BICRA: variants seen among roughly 807,000 people sequenced by gnomAD.
The protein encoded by BICRA is BRD4-interacting chromatin-remodeling complex-associated protein.
Under a neutral mutation model 96.9 loss-of-function variants are expected in BICRA, and 31 were observed. The observed-to-expected ratio is 0.32, with a 90% CI of 0.24 to 0.43. The LOEUF (loss-of-function observed/expected upper bound fraction) is 0.43. Ranked by LOEUF, BICRA falls within the 20% of genes least tolerant of loss-of-function variation. The probability of loss-of-function intolerance (pLI) is 1.00; values close to 1 mark genes in which losing one functional copy is unlikely to be tolerated. For missense variants in BICRA, 2,283 were observed against 2,190.3 expected (o/e 1.04, Z -0.84); for synonymous variants, 1,350 against 1,071.8 (o/e 1.26, Z -5.07).
chr19:47,682,742 G>T (rs954153855), intron 7 of BICRA, among the ~76,000 whole-genome samples: 1 of 151,482 alleles, frequency 6.6e-6, no homozygotes, highest in African/African-American at 2.4e-5. Flanking sequence ...CGCGATCTTG[G>T]CTCACTGCAA....
At chr19:47,672,959 C>T (rs1350393115) in intron 2 of BICRA, among the ~76,000 whole-genome samples, 2 of 152,138 alleles carry the variant, frequency 1.3e-5, no homozygotes, top group Non-Finnish European at 2.9e-5. Flanking sequence ...CACCACCCTC[C>T]CCTTCCTTGG....
intron 1 of BICRA, among the ~76,000 whole-genome samples, chr19:47,635,287 G>A (rs1199010571): frequency 4.2e-5 from 6 of 143,302 alleles, no homozygotes; most frequent in African/African-American, 7.8e-5. Flanking sequence ...TGGCTCTGTC[G>A]CCCAGGCTGG....
At chr19:47,672,685 G>A (rs1161008196) in intron 2 of BICRA, among the ~76,000 whole-genome samples, 1 of 151,908 alleles carries the variant, frequency 6.6e-6, no homozygotes, top group African/African-American at 2.4e-5. Context: ...ATGGATGGGA[G>A]GGTGGATGGG....
intron 1 of BICRA, among the ~76,000 whole-genome samples, chr19:47,625,337 C>T (rs2123515530): frequency 6.7e-6 from 1 of 149,906 alleles, no homozygotes; most frequent in East Asian, 2.0e-4. Flanking sequence ...CTCACTGGTG[C>T]CCAGGCTGGA....
At chr19:47,648,122 C>G (rs1314032243) in intron 1 of BICRA, among the ~76,000 whole-genome samples, 3 of 152,020 alleles carry the variant, frequency 2.0e-5, no homozygotes, top group Non-Finnish European at 2.9e-5. Context: ...GTCCCTCTCT[C>G]TGTCTCTCTG....
chr19:47,689,667 T>G (rs1973211659), intron 7 of BICRA, among the ~76,000 whole-genome samples: 1 of 114,944 alleles, frequency 8.7e-6, no homozygotes, highest in Admixed American at 1.0e-4. Flanking sequence ...CTGCCTGGCC[T>G]CCCAAAGTAC....
At chr19:47,668,509 C>T (rs1343112002) in intron 1 of BICRA, among the ~76,000 whole-genome samples, 10 of 131,136 alleles carry the variant, frequency 7.6e-5, no homozygotes, top group South Asian at 2.8e-4. Context: ...TTTTTTGAGA[C>T]GGAGTCTAGC....
Position 47,694,370 on chromosome 19 carries a change from G to A in BICRA, c.2539G>A (p.Ala847Thr). ...IQNQLGVPPP[A>T]SNPAPTAPGP... ...AAACCAGCTAGGCGTTCCCCCGCCT[G>A]CCAGCAACCCGGCCCCTACTGCCCC... Residue 847 changes from alanine (A) to threonine (T), a missense_variant, in exon 8 of 15, where the codon GCC becomes ACC. Ala to Thr is a moderately conservative substitution (Grantham distance 58). Transcript: ENST00000594866. 7.9e-7 allele frequency: 1 copy of A among 1,270,734 alleles called. No individual in the cohort carries two copies. Among genetic ancestry groups the A allele is most frequent in the Non-Finnish European group, 1.1e-6 (1 of 906,564 alleles). 78.7% of individuals were successfully genotyped at this position (1,270,734 alleles called of 1,614,324 possible). A position where few individuals can be genotyped will look rare whatever the true frequency, so the allele number is the denominator to read the frequency against.
At position 47,698,358 on chromosome 19, in the gene BICRA, C is replaced by G. The variant is rs1973380917; in HGVS notation, c.3249-276C>G. On this transcript the variant is annotated intron_variant, in intron 11 of 14. Transcript: ENST00000594866. This position sits in a 1 kb window ranked among gnomAD's most constrained non-coding sequence, Gnocchi z 4.8. ...CTCACTTCCCGCTCTGCTCTTCCTC[C>G]CTTACGTGCTTTGGAGAGGAGTGAC... Among the ~76,000 whole-genome samples, 2 of 152,204 alleles carry G rather than the reference C, an allele frequency of 1.3e-5. No homozygotes were observed. The highest frequency in any genetic ancestry group is 4.8e-5 in the African/African-American group (2 of 41,446).
Position 47,682,134 on chromosome 19 carries a change from C to T in BICRA, c.2265C>T (p.Ser755=). ...LGPQAPDSQA[S]PAPAPQIPAA... is the part of the protein sequence containing the mutation. ...CTCAGGCCCCCGACAGCCAGGCTTC[C>T]CCGGCTCCGGCCCCCCAGGTAGAGG... is the stretch of plus-strand genomic sequence containing the variant. The change falls in exon 7 of 15, where the codon TCC becomes TCT. Residue 755 remains serine, a synonymous_variant. Coordinates refer to ENST00000594866, the MANE Select transcript of BICRA (RefSeq NM_001394372.1). The T allele has an allele frequency of 6.7e-7, 1 of 1,489,542 alleles. No individual in the cohort carries two copies. The highest frequency in any genetic ancestry group is 9.1e-7 in the Non-Finnish European group (1 of 1,099,688). The allele number at this position is 1,489,542 out of a possible 1,614,324, so 92.3% of individuals were successfully genotyped here.
intron 7 of BICRA, among the ~76,000 whole-genome samples, chr19:47,690,401 T>A (rs1291752720): frequency 1.3e-5 from 2 of 152,226 alleles, no homozygotes; most frequent in African/African-American, 4.8e-5. Context: ...CTTGGATAGC[T>A]ACTGCTGAAT....
intron 1 of BICRA, among the ~76,000 whole-genome samples, chr19:47,665,404 C>T (rs966926391): frequency 3.9e-4 from 59 of 152,288 alleles, no homozygotes; most frequent in African/African-American, 1.3e-3. Flanking sequence ...GGGGACATTT[C>T]GGTAGAGGAG....
Position 47,673,737 on chromosome 19 carries a change from A to G in BICRA, c.59A>G (p.Asn20Ser), listed in dbSNP as rs1041401801. 6.2e-6 allele frequency: 10 copies of G among 1,613,276 alleles called. No homozygotes were observed. Among genetic ancestry groups the G allele is most frequent in the Non-Finnish European group, 8.5e-6 (10 of 1,179,498 alleles). ...TCTTCCAGTGACCCACAGGCCCTCA[A>G]TGACTTCTTGCATGGATCCGAGAAG... is the stretch of plus-strand genomic sequence containing the variant. ...LDVICDPQAL[N>S]DFLHGSEKLD... is the part of the protein sequence containing the mutation. Residue 20 changes from asparagine (N) to serine (S), a missense_variant, in exon 4 of 15, where the codon AAT becomes AGT. Asn to Ser is a conservative substitution (Grantham distance 46, BLOSUM62 1). Coordinates refer to ENST00000594866, the MANE Select transcript of BICRA (RefSeq NM_001394372.1).
chr19:47,696,828 A>T (rs2123610228), intron 11 of BICRA, among the ~76,000 whole-genome samples: 1 of 150,604 alleles, frequency 6.6e-6, no homozygotes, highest in Non-Finnish European at 1.5e-5. Flanking sequence ...GCTGAGCCCC[A>T]CTGGGTGGGT....
intron 1 of BICRA, among the ~76,000 whole-genome samples, chr19:47,645,186 C>T (rs936129088): frequency 6.6e-6 from 1 of 152,202 alleles, no homozygotes; most frequent in Non-Finnish European, 1.5e-5. Flanking sequence ...ATTTACTTGT[C>T]TGGTCTCTTT....
chr19:47,664,592 G>T (rs1245415283), intron 1 of BICRA, among the ~76,000 whole-genome samples: 7 of 152,222 alleles, frequency 4.6e-5, no homozygotes, highest in African/African-American at 1.7e-4. Flanking sequence ...GGAGGGATCG[G>T]TGGGTATGGA....
At chr19:47,639,619 C>T (rs928888905) in intron 1 of BICRA, among the ~76,000 whole-genome samples, 5 of 138,214 alleles carry the variant, frequency 3.6e-5, no homozygotes, top group African/African-American at 5.5e-5. Flanking sequence ...TGAGCCACCG[C>T]GGCCAGCCAA....
At chr19:47,625,458 G>A (rs529717482) in intron 1 of BICRA, among the ~76,000 whole-genome samples, 3 of 152,030 alleles carry the variant, frequency 2.0e-5, no homozygotes, top group Admixed American at 6.6e-5. Flanking sequence ...TGACTTTCTC[G>A]TCCAATTTCC....
At chr19:47,669,611 G>A (rs997330526) in intron 1 of BICRA, among the ~76,000 whole-genome samples, 1 of 151,902 alleles carries the variant, frequency 6.6e-6, no homozygotes, top group Non-Finnish European at 1.5e-5. Flanking sequence ...TGGGATAATA[G>A]TATGTATAGT....
Sources: gnomAD v4.1 joint callset for allele counts (sites outside exome capture counted in the v4.1 genomes callset) on GRCh38, gnomAD v4.1.1 for gene constraint, Gnocchi (gnomAD v3.1) non-coding constraint, MANE v1.5 for transcripts, NCBI Gene and HGNC (gene_info 2026-07-23, HGNC 2026-07-21) for gene names.